Variants in DACH2 observed in about 807,000 individuals in gnomAD.
DACH2 encodes the protein dachshund homolog 2.
In DACH2, 17 loss-of-function variants were observed where a neutral mutation model predicts 35.8. The observed-to-expected ratio is 0.48, with a 90% CI of 0.33 to 0.71. The LOEUF (loss-of-function observed/expected upper bound fraction) is 0.71. Ranked by LOEUF, DACH2 falls within the 30% of genes least tolerant of loss-of-function variation. DACH2 has a pLI of 0.02. For missense variants in DACH2, 469 were observed against 472.7 expected (o/e 0.99, Z 0.07); for synonymous variants, 195 against 177.3 (o/e 1.10, Z -0.79).
intron 1 of DACH2, among the ~76,000 whole-genome samples, chrX:86,245,241 A>T (rs2033253818): frequency 9.0e-6 from 1 of 111,607 alleles, no homozygotes; most frequent in South Asian, 3.8e-4. Context: ...CACTGTCAGG[A>T]CATGTCCATG....
chrX:86,360,676 T>G (rs1215737052), intron 1 of DACH2, among the ~76,000 whole-genome samples: 1 of 90,468 alleles, frequency 1.1e-5, no homozygotes, highest in East Asian at 3.7e-4. Context: ...TATCCTTTCC[T>G]GAGAAGAATT....
intron 2 of DACH2, among the ~76,000 whole-genome samples, chrX:86,496,625 A>T (rs1159770060): frequency 1.8e-5 from 2 of 110,524 alleles, no homozygotes; most frequent in Non-Finnish European, 3.8e-5. Flanking sequence ...ACCCTGTAAA[A>T]GCAGGAGGGA....
At chrX:86,747,345 AG>A (rs2041723929) in intron 7 of DACH2, among the ~76,000 whole-genome samples, 1 of 111,535 alleles carries the variant, frequency 9.0e-6, no homozygotes, top group African/African-American at 3.3e-5. Context: ...CCTTTTATTC[AG>A]GTTCTCTTCA....
At chrX:86,287,254 A>G (rs1382319112) in intron 1 of DACH2, among the ~76,000 whole-genome samples, 1 of 111,927 alleles carries the variant, frequency 8.9e-6, no homozygotes, top group Non-Finnish European at 1.9e-5. Flanking sequence ...CTGCTGCCAG[A>G]TGTAATGGAG....
chrX:86,637,355 A>C (rs770178060), intron 3 of DACH2, among the ~76,000 whole-genome samples: 29 of 108,538 alleles, frequency 2.7e-4, no homozygotes, highest in South Asian at 4.0e-4. Flanking sequence ...TCAAAGACCC[A>C]AAAAAAATAT....
chrX:86,546,763 C>G (rs1413087578), intron 3 of DACH2, among the ~76,000 whole-genome samples: 9 of 109,177 alleles, frequency 8.2e-5, no homozygotes, highest in Non-Finnish European at 1.3e-4. Context: ...ATCTGCCAGC[C>G]TCGGCCTCCC....
At position 86,398,560 on chromosome X, in the gene DACH2, A is replaced by G. The variant is rs1413384558; in HGVS notation, c.527+21698A>G. ...AAATTTCCCTCTACACACTGCTTTG[A>G]ATGTGTCCCAGAGATTCTGGTATGT... On this transcript the variant is annotated intron_variant, in intron 2 of 11. Coordinates refer to ENST00000373125, the MANE Select transcript of DACH2 (RefSeq NM_053281.3). Among the ~76,000 whole-genome samples the G allele has an allele frequency of 2.7e-5, 3 of 111,576 alleles. No individual in the cohort carries two copies. The East Asian group carries it at 8.5e-4, about 31-fold the overall frequency.
chrX:86,318,694 A>G (rs1385675811), intron 1 of DACH2, among the ~76,000 whole-genome samples: 7 of 111,429 alleles, frequency 6.3e-5, no homozygotes, highest in African/African-American at 2.3e-4. Context: ...TAAACATGTT[A>G]AATAATCCTG....
At chrX:86,450,326 T>C (rs1376147951) in intron 2 of DACH2, among the ~76,000 whole-genome samples, 2 of 111,433 alleles carry the variant, frequency 1.8e-5, no homozygotes, top group African/African-American at 6.5e-5. Flanking sequence ...ATGCAGTGTT[T>C]GGTTTTCTCT....
At chrX:86,455,779 G>T (rs190371483) in intron 2 of DACH2, among the ~76,000 whole-genome samples, 1 of 112,321 alleles carries the variant, frequency 8.9e-6, no homozygotes, top group Admixed American at 9.4e-5. Context: ...AACTTTTGAC[G>T]TGCTGTGGAA....
At chrX:86,644,144 C>A (rs66521726) in intron 3 of DACH2, among the ~76,000 whole-genome samples, 13,775 of 110,415 alleles carry the variant, frequency 0.12, 748 homozygotes, top group East Asian at 0.32. Context: ...GAAAAAAGGG[C>A]ATCTGAATAG....
chrX:86,173,685 G>T lies in DACH2; in HGVS notation c.488+24577G>T, dbSNP rs900419179. On this transcript the variant is annotated intron_variant, in intron 1 of 11. Coordinates refer to ENST00000373125, the MANE Select transcript of DACH2 (RefSeq NM_053281.3). ...GTAATATTGGGGAGTTGGCCACATG[G>T]ATCCTTTTAGGCCATTTTGAAGACT... 2.7e-5 allele frequency among the ~76,000 whole-genome samples: 3 copies of T among 111,988 alleles called. No homozygotes were observed. The East Asian group carries it at 8.5e-4, about 32-fold the overall frequency.
intron 7 of DACH2, among the ~76,000 whole-genome samples, chrX:86,772,971 G>A (rs771966989): frequency 9.0e-6 from 1 of 111,609 alleles, no homozygotes; most frequent in Non-Finnish European, 1.9e-5. Flanking sequence ...AGGTGCTTCC[G>A]TGGAAGTACC....
intron 1 of DACH2, among the ~76,000 whole-genome samples, chrX:86,299,924 A>T (rs1374266528): frequency 9.0e-6 from 1 of 111,532 alleles, no homozygotes; most frequent in Non-Finnish European, 1.9e-5. Context: ...TTGGTACATG[A>T]TATTTGTACA....
intron 7 of DACH2, among the ~76,000 whole-genome samples, chrX:86,745,288 G>A (rs1216085377): frequency 2.7e-5 from 3 of 111,304 alleles, no homozygotes; most frequent in Non-Finnish European, 5.7e-5. Context: ...TTTAAGTTCA[G>A]AGGTACAAGT....
At chrX:86,316,065 C>A (rs1189180925) in intron 1 of DACH2, among the ~76,000 whole-genome samples, 3 of 110,842 alleles carry the variant, frequency 2.7e-5, no homozygotes, top group African/African-American at 6.6e-5. Flanking sequence ...TCAGCTCTCA[C>A]CCTGTTCCTT....
intron 2 of DACH2, among the ~76,000 whole-genome samples, chrX:86,397,174 T>C (rs1300274619): frequency 9.0e-6 from 1 of 111,049 alleles, no homozygotes; most frequent in Non-Finnish European, 1.9e-5. Context: ...AGTTCACTCA[T>C]GATTTGGCTC....
At chrX:86,421,977 A>G (rs1047307299) in intron 2 of DACH2, among the ~76,000 whole-genome samples, 2 of 111,386 alleles carry the variant, frequency 1.8e-5, no homozygotes, top group African/African-American at 6.5e-5. Context: ...AAGCCATCTG[A>G]GGAGAGTTGA....
At chrX:86,482,065 C>A (rs918021690) in intron 2 of DACH2, among the ~76,000 whole-genome samples, 2 of 111,511 alleles carry the variant, frequency 1.8e-5, no homozygotes, top group African/African-American at 6.5e-5. Context: ...ATGTCTTATT[C>A]TTTTTTTGAG....
Sources: allele counts gnomAD v4.1 joint callset (sites outside exome capture counted in the v4.1 genomes callset), GRCh38; gene constraint gnomAD v4.1.1; transcripts MANE v1.5; gene names NCBI Gene and HGNC (gene_info 2026-07-23, HGNC 2026-07-21).